The following CUBN variants were observed in gnomAD, a reference collection of about 807,000 sequenced individuals.
The protein encoded by CUBN is cubilin, also known as 460 kDa receptor.
CUBN carries 282 observed loss-of-function variants against 405.3 expected under a neutral mutation model. The ratio of observed to expected loss-of-function variants is 0.70; its 90% CI spans 0.63 to 0.77. The LOEUF (loss-of-function observed/expected upper bound fraction) is 0.77. Ranked by LOEUF, CUBN falls within the 30% of genes least tolerant of loss-of-function variation. The pLI is 0.00. For missense variants in CUBN, 4,514 were observed against 4,475.2 expected (o/e 1.01, Z -0.25); for synonymous variants, 1,684 against 1,617.0 (o/e 1.04, Z -0.99).
intron 12 of CUBN, among the ~76,000 whole-genome samples, chr10:17,103,997 T>G (rs1251357423): frequency 6.6e-6 from 1 of 152,180 alleles, no homozygotes; most frequent in Non-Finnish European, 1.5e-5. Context: ...AGAAGATCAT[T>G]GAAAATTAAT....
intron 4 of CUBN, 63 bp downstream of exon 4, chr10:17,126,698 T>C: frequency 6.6e-7 from 1 of 1,509,062 alleles, no homozygotes; most frequent in Non-Finnish European, 9.2e-7. Flanking sequence ...GAATAGCAGC[T>C]CTATTAATGA....
At chr10:17,014,514 T>C (rs1233070419) in intron 28 of CUBN, among the ~76,000 whole-genome samples, 1 of 152,098 alleles carries the variant, frequency 6.6e-6, no homozygotes, top group Non-Finnish European at 1.5e-5. Context: ...TTTAATGTCT[T>C]AGGGTGAGCA....
chr10:16,854,633 A>C (rs1322699743), intron 59 of CUBN, among the ~76,000 whole-genome samples: 1 of 152,208 alleles, frequency 6.6e-6, no homozygotes, highest in Non-Finnish European at 1.5e-5. Context: ...TCTATTAATC[A>C]TCAGCTTCAA....
At chr10:17,093,926 T>A (rs190350342) in intron 14 of CUBN, among the ~76,000 whole-genome samples, 41 of 151,828 alleles carry the variant, frequency 2.7e-4, no homozygotes, top group African/African-American at 9.2e-4. Context: ...TTAGAAACAG[T>A]CAAAACCTTC....
At chr10:17,030,423 T>G (rs1280665722) in intron 27 of CUBN, among the ~76,000 whole-genome samples, 2 of 152,146 alleles carry the variant, frequency 1.3e-5, no homozygotes, top group Admixed American at 1.3e-4. Flanking sequence ...ATAGATAATA[T>G]GTATTAGCAC....
intron 36 of CUBN, among the ~76,000 whole-genome samples, chr10:16,943,193 A>C (rs1588504398): frequency 6.6e-6 from 1 of 152,194 alleles, no homozygotes; most frequent in Non-Finnish European, 1.5e-5. Context: ...CTCTCAAGCC[A>C]GATACTAGCA....
intron 43 of CUBN, among the ~76,000 whole-genome samples, chr10:16,924,569 A>G (rs1269689906): frequency 1.3e-5 from 2 of 152,064 alleles, no homozygotes; most frequent in Non-Finnish European, 2.9e-5. Flanking sequence ...TATATTATCT[A>G]ACTTCTGGTG....
At chr10:16,955,267 G>T (rs10904849) in intron 31 of CUBN, among the ~76,000 whole-genome samples, 37,795 of 150,788 alleles carry the variant, frequency 0.25, 5,417 homozygotes, top group Non-Finnish European at 0.33. Flanking sequence ...AAGCTACTCA[G>T]GAGGCTGAGG....
chr10:17,102,299 A>G lies in CUBN; in HGVS notation c.1530+826T>C, dbSNP rs59056977. ...TATTTATTTATTTATTTATTTATTT[A>G]TTTTTGAGACAGAGTCTTGCTCTGT... On this transcript the variant is annotated intron_variant, in intron 13 of 66. Coordinates refer to ENST00000377833, the MANE Select transcript of CUBN (RefSeq NM_001081.4). Among the ~76,000 whole-genome samples, 208 of 134,128 alleles carry G rather than the reference A, an allele frequency of 1.6e-3. 1 individual carries two copies. The East Asian group carries it at 0.022, about 14-fold the overall frequency. The allele number at this position is 134,128 out of a possible 152,430, so 88.0% of individuals were successfully genotyped here. A position where few individuals can be genotyped will look rare whatever the true frequency, so the allele number is the denominator to read the frequency against.
chr10:17,065,393 T>C (rs1319103839), intron 22 of CUBN, 115 bp downstream of exon 22: 5 of 1,300,788 alleles, frequency 3.8e-6, no homozygotes, highest in Admixed American at 1.7e-5. Flanking sequence ...ATTCTAAATA[T>C]AGCTCTCATT....
chr10:17,095,679 T>C (rs1048606777), intron 14 of CUBN, among the ~76,000 whole-genome samples: 1 of 152,098 alleles, frequency 6.6e-6, no homozygotes, highest in Non-Finnish European at 1.5e-5. Flanking sequence ...TAAAACAATA[T>C]GGAGGTTCCT....
In CUBN at chr10:16,824,814, G is replaced by A. The variant is rs1195287396; in HGVS notation, c.*161C>T. 2.1e-5 allele frequency: 14 copies of A among 657,426 alleles called. 2 individuals are homozygous for A. Among genetic ancestry groups the A allele is most frequent in the South Asian group, 6.1e-5 (4 of 65,854 alleles). The allele number at this position is 657,426 out of a possible 1,614,324, so 40.7% of individuals were successfully genotyped here. On this transcript the variant is annotated 3_prime_UTR_variant, in exon 67 of 67. Coordinates refer to ENST00000377833, the MANE Select transcript of CUBN (RefSeq NM_001081.4). ...AGAATACAGGGGGGTGAGCCACCAC[G>A]CCTGGCCTACAAATATTGATTCTAT...
chr10:17,044,953 G>A, intron 25 of CUBN, 54 bp downstream of exon 25: 4 of 1,506,990 alleles, frequency 2.7e-6, no homozygotes, highest in Non-Finnish European at 3.7e-6. Context: ...TAAGTGCATT[G>A]TGCGTTGGGT....
intron 29 of CUBN, among the ~76,000 whole-genome samples, chr10:16,989,509 G>T (rs2932892): frequency 6.8e-6 from 1 of 147,664 alleles, no homozygotes; most frequent in Non-Finnish European, 1.5e-5. Context: ...TATATAGTAC[G>T]TTATATAATT....
intron 28 of CUBN, among the ~76,000 whole-genome samples, chr10:17,015,964 T>C (rs916737141): frequency 6.6e-6 from 1 of 152,198 alleles, no homozygotes; most frequent in African/African-American, 2.4e-5. Context: ...TTTGGGTCTG[T>C]TCCTCTTGAT....
chr10:17,027,734 T>G (rs1834703630), intron 27 of CUBN, among the ~76,000 whole-genome samples: 1 of 152,196 alleles, frequency 6.6e-6, no homozygotes, highest in Non-Finnish European at 1.5e-5. Context: ...CATAATCTTT[T>G]CTTAAGTATC....
At chr10:16,999,987 C>G (rs1833835248) in intron 28 of CUBN, among the ~76,000 whole-genome samples, 1 of 152,244 alleles carries the variant, frequency 6.6e-6, no homozygotes, top group Admixed American at 6.5e-5. Flanking sequence ...CCTTTAAACT[C>G]TGTCCAAATC....
At chr10:16,919,843 C>A (rs1175668100) in intron 44 of CUBN, 120 bp downstream of exon 44, 35 of 1,106,276 alleles carry the variant, frequency 3.2e-5, no homozygotes, top group Non-Finnish European at 4.1e-5. Flanking sequence ...TTAAGCATTT[C>A]CCTTTTCCCC....
intron 48 of CUBN, among the ~76,000 whole-genome samples, chr10:16,912,528 G>A (rs531666658): frequency 8.5e-5 from 13 of 152,252 alleles, no homozygotes; most frequent in Non-Finnish European, 1.5e-4. Flanking sequence ...GGCAGAGAAG[G>A]GTCAGGCCAG....
Sources: gnomAD v4.1 joint callset for allele counts (sites outside exome capture counted in the v4.1 genomes callset) on GRCh38, gnomAD v4.1.1 for gene constraint, MANE v1.5 for transcripts, NCBI Gene and HGNC (gene_info 2026-07-23, HGNC 2026-07-21) for gene names.